Variants in NOX4 observed in about 807,000 individuals in gnomAD.
NOX4 encodes kidney oxidase-1.
NOX4 carries 69 observed loss-of-function variants against 87.6 expected under a neutral mutation model. That is an observed-to-expected ratio of 0.79 (90% CI 0.65 to 0.96). NOX4 has a LOEUF of 0.96. Ranked by LOEUF, NOX4 falls within the 40% of genes least tolerant of loss-of-function variation. The pLI is 0.00. For synonymous variants in NOX4, 275 were observed against 238.2 expected (o/e 1.15, Z -1.42); for missense variants, 680 against 681.5 (o/e 1.00, Z 0.02).
intron 15 of NOX4, among the ~76,000 whole-genome samples, 156 bp downstream of exon 15, chr11:89,339,907 A>AT (rs1403350178): frequency 1.3e-5 from 2 of 152,152 alleles, no homozygotes; most frequent in Non-Finnish European, 2.9e-5. Flanking sequence ...ATTATCTCTG[A>AT]TTTTTTATGT....
chr11:89,566,081 C>T, the NOX4 span, among the ~76,000 whole-genome samples: 2 of 143,088 alleles, frequency 1.4e-5, no homozygotes, highest in South Asian at 2.2e-4. Context: ...TGCGCTCTGT[C>T]GCCTAGGCTG....
At chr11:89,570,731 G>A in the NOX4 span, among the ~76,000 whole-genome samples, 3 of 152,178 alleles carry the variant, frequency 2.0e-5, no homozygotes, top group Non-Finnish European at 4.4e-5. Context: ...GGAGGCTGAA[G>A]TGGAGGATCA....
the NOX4 span, among the ~76,000 whole-genome samples, chr11:89,516,201 C>T: frequency 6.6e-6 from 1 of 152,010 alleles, no homozygotes; most frequent in Non-Finnish European, 1.5e-5. Context: ...TAGTACTGTG[C>T]TATCACATGT....
At chr11:89,555,212 G>A in the NOX4 span, among the ~76,000 whole-genome samples, 50 of 152,140 alleles carry the variant, frequency 3.3e-4, no homozygotes, top group African/African-American at 1.2e-3. Context: ...TCTGGGAGCA[G>A]TGACTCTGGA....
chr11:89,367,491 C>T (rs550964657), intron 12 of NOX4, among the ~76,000 whole-genome samples: 6 of 152,194 alleles, frequency 3.9e-5, no homozygotes, highest in Admixed American at 3.9e-4. Flanking sequence ...TTCCTAATGA[C>T]ATGATTTTTA....
upstream of NOX4, among the ~76,000 whole-genome samples, chr11:89,499,912 C>A (rs1344953944): frequency 1.3e-5 from 2 of 152,112 alleles, no homozygotes; most frequent in Non-Finnish European, 2.9e-5. Context: ...GACTTCAATA[C>A]TGTGTTACAT....
chr11:89,410,629 C>G (rs115915985), intron 8 of NOX4, among the ~76,000 whole-genome samples: 1,881 of 152,258 alleles, frequency 0.012, 37 homozygotes, highest in African/African-American at 0.042. Flanking sequence ...CAATGAAAAG[C>G]AACACCAGGA....
In NOX4 at chr11:89,326,750, A is replaced by C. The variant is rs780031122; in HGVS notation, c.*6T>G. 1 of 1,611,830 alleles carries C rather than the reference A, an allele frequency of 6.2e-7. No individual in the cohort carries two copies. The highest frequency in any genetic ancestry group is 8.5e-7 in the Non-Finnish European group (1 of 1,178,910). ...TCTTTAGAGTCCTGCTTCATGGCAA[A>C]AGTTTTCAGCTGAAAGACTCTTTAT... On this transcript the variant is annotated 3_prime_UTR_variant, in exon 18 of 18. Transcript: ENST00000263317.
intron 11 of NOX4, among the ~76,000 whole-genome samples, chr11:89,376,642 G>A (rs527243360): frequency 4.5e-4 from 68 of 152,266 alleles, no homozygotes; most frequent in African/African-American, 1.6e-3. Context: ...TAGCACTTTG[G>A]GAGGCCGGGG....
chr11:89,443,919 T>A (rs928466235), intron 5 of NOX4: 3 of 498,028 alleles, frequency 6.0e-6, no homozygotes, highest in Non-Finnish European at 7.2e-6. Context: ...ATATAAAAAG[T>A]AGACATTCTA....
intron 11 of NOX4, among the ~76,000 whole-genome samples, chr11:89,395,119 G>A (rs1402408859): frequency 1.3e-5 from 2 of 152,006 alleles, no homozygotes; most frequent in Non-Finnish European, 2.9e-5. Context: ...ACTTCCAGCA[G>A]CACTGTAAAA....
the NOX4 span, among the ~76,000 whole-genome samples, chr11:89,540,603 C>T: frequency 3.8e-4 from 57 of 151,470 alleles, 1 homozygote; most frequent in South Asian, 1.3e-3. Context: ...CTGGCTAACA[C>T]GGTGAAATCC....
At chr11:89,504,370 G>A in the NOX4 span, among the ~76,000 whole-genome samples, 1 of 151,994 alleles carries the variant, frequency 6.6e-6, no homozygotes, top group South Asian at 2.1e-4. Context: ...TAATATATGG[G>A]ACAAAATAGA....
the NOX4 span, among the ~76,000 whole-genome samples, chr11:89,531,596 T>C: frequency 1.3e-5 from 2 of 152,190 alleles, no homozygotes; most frequent in African/African-American, 4.8e-5. Context: ...GGGGGCAGTT[T>C]TCCCCATGCT....
At chr11:89,371,163 A>T (rs773736027) in intron 12 of NOX4, among the ~76,000 whole-genome samples, 3 of 151,966 alleles carry the variant, frequency 2.0e-5, no homozygotes, top group African/African-American at 7.2e-5. Context: ...TTGTAATCTC[A>T]TTGTTGTAAG....
chr11:89,404,399 G>A (rs1229544633), intron 8 of NOX4, among the ~76,000 whole-genome samples: 1 of 152,030 alleles, frequency 6.6e-6, no homozygotes, highest in Non-Finnish European at 1.5e-5. Context: ...AGTCAAATCC[G>A]CCTCCTAACA....
chr11:89,353,637 A>C (rs1359823265), intron 13 of NOX4, among the ~76,000 whole-genome samples: 1 of 152,170 alleles, frequency 6.6e-6, no homozygotes, highest in Non-Finnish European at 1.5e-5. Context: ...GTGGCCTAGA[A>C]TCAAACCCAC....
At chr11:89,460,364 G>A (rs1565320682) in intron 2 of NOX4, among the ~76,000 whole-genome samples, 1 of 152,156 alleles carries the variant, frequency 6.6e-6, no homozygotes. Context: ...TACCATCAGA[G>A]TGAACAGGCA....
At chr11:89,399,136 T>G (rs541300314) in intron 11 of NOX4, among the ~76,000 whole-genome samples, 2 of 151,894 alleles carry the variant, frequency 1.3e-5, no homozygotes, top group South Asian at 4.1e-4. Context: ...TATAATAATA[T>G]TAAATGATAT....
Sources: gnomAD v4.1 joint callset for allele counts (sites outside exome capture counted in the v4.1 genomes callset) on GRCh38, gnomAD v4.1.1 for gene constraint, MANE v1.5 for transcripts, NCBI Gene and HGNC (gene_info 2026-07-23, HGNC 2026-07-21) for gene names.